SGCZ: variants seen among roughly 807,000 people sequenced by gnomAD.
SGCZ encodes sarcoglycan zeta.
A neutral mutation model predicts 41.3 loss-of-function variants in SGCZ; 40 were observed. The ratio of observed to expected loss-of-function variants is 0.97; its 90% CI spans 0.75 to 1.26. The LOEUF (loss-of-function observed/expected upper bound fraction) is 1.26, where lower values mean the gene tolerates loss of function less well. Ranked by LOEUF, SGCZ falls within the 50% of genes most tolerant of loss-of-function variation. SGCZ has a pLI of 0.00. For synonymous variants in SGCZ, 206 were observed against 137.5 expected (o/e 1.50, Z -3.49); for missense variants, 552 against 369.8 (o/e 1.49, Z -4.04).
intron 2 of SGCZ, among the ~76,000 whole-genome samples, chr8:14,427,088 GTGAATGAA>G (rs935453328): frequency 8.5e-6 from 1 of 117,712 alleles, no homozygotes; most frequent in African/African-American, 7.0e-5. Context: ...GAATGAATGA[GTGAATGAA>G]TGAATGAGTG....
intron 1 of SGCZ, among the ~76,000 whole-genome samples, chr8:14,801,049 A>C (rs1444408867): frequency 6.6e-6 from 1 of 152,216 alleles, no homozygotes; most frequent in African/African-American, 2.4e-5. Flanking sequence ...GTGTTTCTGA[A>C]TTATATTGAA....
chr8:14,670,079 T>G (rs1047077002), intron 1 of SGCZ, among the ~76,000 whole-genome samples: 2 of 152,228 alleles, frequency 1.3e-5, no homozygotes, highest in Admixed American at 1.3e-4. Context: ...TATCCTTAAA[T>G]TCAACTCCAG....
At chr8:15,022,509 A>G (rs1446065023) in intron 1 of SGCZ, among the ~76,000 whole-genome samples, 1 of 151,936 alleles carries the variant, frequency 6.6e-6, no homozygotes, top group African/African-American at 2.4e-5. Flanking sequence ...GCGCCCAGCT[A>G]ATTTTTGTAT....
chr8:14,803,580 G>A lies in SGCZ; in HGVS notation c.40-248654C>T, dbSNP rs527292842. On this transcript the variant is annotated intron_variant, in intron 1 of 7. Transcript: ENST00000382080. ...CCGCACCCGGCTCAGAGGGTCTGACGCCCAGGGAGTCTCCCTGATTGCTAG... is the reference window on the plus strand; with the variant it reads ...CCGCACCCGGCTCAGAGGGTCTGACACCCAGGGAGTCTCCCTGATTGCTAG... Among the ~76,000 whole-genome samples the A allele has an allele frequency of 3.9e-5, 6 of 152,190 alleles. No individual in the cohort carries two copies. In the East Asian group the frequency reaches 5.8e-4, roughly 15 times the overall value.
At chr8:15,114,118 C>A (rs562218732) in intron 1 of SGCZ, among the ~76,000 whole-genome samples, 2 of 152,240 alleles carry the variant, frequency 1.3e-5, no homozygotes, top group African/African-American at 2.4e-5. Context: ...TTTAATGTAA[C>A]CCTCATCTAA....
At chr8:15,209,342 G>A (rs998295354) in intron 1 of SGCZ, among the ~76,000 whole-genome samples, 7 of 151,960 alleles carry the variant, frequency 4.6e-5, no homozygotes, top group Non-Finnish European at 8.8e-5. Flanking sequence ...TATTTGAAGG[G>A]AGTACTAAAA....
intron 3 of SGCZ, among the ~76,000 whole-genome samples, chr8:14,301,806 T>C (rs1347361774): frequency 6.6e-6 from 1 of 152,192 alleles, no homozygotes; most frequent in East Asian, 1.9e-4. Context: ...GTTTTTAAGT[T>C]ATGACTTTAT....
At chr8:14,227,090 G>A (rs781375633) in intron 4 of SGCZ, among the ~76,000 whole-genome samples, 2 of 152,042 alleles carry the variant, frequency 1.3e-5, no homozygotes, top group African/African-American at 2.4e-5. Flanking sequence ...CAAGTGAGAA[G>A]AATAAGGAGG....
intron 2 of SGCZ, among the ~76,000 whole-genome samples, chr8:14,464,069 T>C (rs1014428393): frequency 6.6e-6 from 1 of 151,680 alleles, no homozygotes; most frequent in African/African-American, 2.4e-5. Context: ...GGAATACTTG[T>C]CTCTAGTTTT....
At chr8:15,113,498 A>G (rs994110163) in intron 1 of SGCZ, among the ~76,000 whole-genome samples, 1 of 152,112 alleles carries the variant, frequency 6.6e-6, no homozygotes, top group Non-Finnish European at 1.5e-5. Context: ...CTCAATAACT[A>G]ACTCATCAGT....
chr8:14,610,939 T>C (rs62493061), intron 1 of SGCZ, among the ~76,000 whole-genome samples: 1 of 152,130 alleles, frequency 6.6e-6, no homozygotes, highest in Admixed American at 6.5e-5. Context: ...CAAACCTTCA[T>C]ATTAATTCTT....
chr8:14,328,323 T>G (rs1350905342), intron 2 of SGCZ, among the ~76,000 whole-genome samples: 1 of 152,172 alleles, frequency 6.6e-6, no homozygotes, highest in African/African-American at 2.4e-5. Context: ...ATTTGTTAAT[T>G]TTCTGTTCAG....
intron 1 of SGCZ, among the ~76,000 whole-genome samples, chr8:14,850,442 G>A (rs1803273802): frequency 6.6e-6 from 1 of 152,122 alleles, no homozygotes; most frequent in South Asian, 2.1e-4. Flanking sequence ...GGTTAGTTTT[G>A]ATTGGCGAGA....
chr8:15,036,399 A>T (rs1223305648), intron 1 of SGCZ, among the ~76,000 whole-genome samples: 2 of 152,068 alleles, frequency 1.3e-5, no homozygotes, highest in Non-Finnish European at 2.9e-5. Context: ...AGTGGGGCCT[A>T]TTGGAGGGTA....
chr8:14,973,322 G>T (rs1338784799), intron 1 of SGCZ, among the ~76,000 whole-genome samples: 1 of 152,120 alleles, frequency 6.6e-6, no homozygotes, highest in Non-Finnish European at 1.5e-5. Context: ...CACTGTGCTG[G>T]AATTGTAAAA....
At chr8:14,399,588 A>C (rs2117241639) in intron 2 of SGCZ, among the ~76,000 whole-genome samples, 1 of 152,216 alleles carries the variant, frequency 6.6e-6, no homozygotes, top group East Asian at 1.9e-4. Flanking sequence ...GACATTCTGC[A>C]GTATGTTTTT....
At chr8:14,197,756 G>C (rs1162932176) in intron 4 of SGCZ, among the ~76,000 whole-genome samples, 2 of 151,826 alleles carry the variant, frequency 1.3e-5, no homozygotes, top group Admixed American at 6.6e-5. Context: ...AGTTTAAAAA[G>C]CAAAAATGTC....
At chr8:14,539,315 C>G (rs1454554131) in intron 2 of SGCZ, among the ~76,000 whole-genome samples, 1 of 151,838 alleles carries the variant, frequency 6.6e-6, no homozygotes, top group African/African-American at 2.4e-5. Flanking sequence ...CTATATACAT[C>G]CTATTGCTTC....
intron 1 of SGCZ, among the ~76,000 whole-genome samples, chr8:14,574,994 T>C (rs988922115): frequency 6.6e-6 from 1 of 152,170 alleles, no homozygotes; most frequent in African/African-American, 2.4e-5. Context: ...AGAGGATGGT[T>C]TGTGATTATA....
Sources: gnomAD v4.1 joint callset for allele counts (sites outside exome capture counted in the v4.1 genomes callset) on GRCh38, gnomAD v4.1.1 for gene constraint, MANE v1.5 for transcripts, NCBI Gene and HGNC (gene_info 2026-07-23, HGNC 2026-07-21) for gene names.